Variants in GFI1 observed in about 807,000 individuals in gnomAD.
GFI1 encodes the protein zinc finger protein Gfi-1.
In GFI1, 15 loss-of-function variants were observed where a neutral mutation model predicts 39.2. That is an observed-to-expected ratio of 0.38 (90% CI 0.26 to 0.59). GFI1 has a LOEUF of 0.59. Ranked by LOEUF, GFI1 falls within the 20% of genes least tolerant of loss-of-function variation. GFI1 has a pLI of 0.62. For synonymous variants in GFI1, 239 were observed against 254.3 expected, an observed-to-expected ratio of 0.94 and a Z score of 0.57; for missense variants, 475 against 574.0, an observed-to-expected ratio of 0.83 and a Z score of 1.76.
intron 5 of GFI1, among the ~76,000 whole-genome samples, chr1:92,479,726 G>C (rs1287406667): frequency 6.6e-6 from 1 of 152,074 alleles, no homozygotes; most frequent in East Asian, 1.9e-4. Context: ...AGTGGCATGC[G>C]CCTGTAATCC....
rs1287328215 is a variant in GFI1, at chr1:92,475,711, G to A, written c.*318C>T. On this transcript the variant is annotated 3_prime_UTR_variant, in exon 7 of 7. Transcript: ENST00000294702. ...GTAGATTAGGGCTGGAAATGGGAAGGACTGTGGGGTCTAAGATTTATTCTG... is the reference window on the plus strand; with the variant it reads ...GTAGATTAGGGCTGGAAATGGGAAGAACTGTGGGGTCTAAGATTTATTCTG... 5.0e-6 allele frequency: 2 copies of A among 403,720 alleles called. No homozygotes were observed. The highest frequency in any genetic ancestry group is 9.4e-6 in the Non-Finnish European group (2 of 213,794). The allele number at this position is 403,720 out of a possible 1,614,324, so 25.0% of individuals were successfully genotyped here. A position where few individuals can be genotyped will look rare whatever the true frequency, so the allele number is the denominator to read the frequency against.
At position 92,480,493 on chromosome 1, in the gene GFI1, G is replaced by C. The variant is rs1184117148; in HGVS notation, c.787-8C>G. On this transcript the variant is annotated splice_polypyrimidine_tract_variant and splice_region_variant and intron_variant, in intron 4 of 6. Coordinates refer to ENST00000294702, the MANE Select transcript of GFI1 (RefSeq NM_005263.5). This position sits in a 1 kb window ranked among gnomAD's most constrained non-coding sequence, Gnocchi z 5.6. ...GTGCGGCGTGGAGAACACCTAAGGC[G>C]GGTGGGGCCAGAGAGAAGGCCGCTG... The C allele has an allele frequency of 6.5e-7, 1 of 1,549,604 alleles. No individual in the cohort carries two copies. Among genetic ancestry groups the C allele is most frequent in the Non-Finnish European group, 8.7e-7 (1 of 1,146,334 alleles).
chr1:92,483,349 G>C, intron 2 of GFI1, 24 bp downstream of exon 2: 1 of 1,353,666 alleles, frequency 7.4e-7, no homozygotes, highest in Non-Finnish European at 1.0e-6. Flanking sequence ...GAGCAGCCCC[G>C]CCTGGCCCGC....
chr1:92,478,634 C>T lies in GFI1; in HGVS notation c.1044G>A (p.Arg348=). The change falls in exon 6 of 7, where the codon AGG becomes AGA. Residue 348 remains arginine (R), a synonymous_variant. Coordinates refer to ENST00000294702, the MANE Select transcript of GFI1 (RefSeq NM_005263.5). ...RPYPCQYCGK[R]FHQKSDMKKH... is the part of the protein sequence containing the mutation. ...TCTTCATGTCTGACTTCTGGTGGAACCTCTTGCCACAGTACTGACAGGGGT... is the reference window on the plus strand; with the variant it reads ...TCTTCATGTCTGACTTCTGGTGGAATCTCTTGCCACAGTACTGACAGGGGT... 6.2e-7 allele frequency: 1 copy of T among 1,614,072 alleles called. No homozygotes were observed. Among genetic ancestry groups the T allele is most frequent in the Non-Finnish European group, 8.5e-7 (1 of 1,180,006 alleles).
Position 92,480,239 on chromosome 1 carries a change from G to A in GFI1, c.924+109C>T. On this transcript the variant is annotated intron_variant, in intron 5 of 6. Coordinates refer to ENST00000294702, the MANE Select transcript of GFI1 (RefSeq NM_005263.5). The surrounding 1 kb of genome is among the most constrained non-coding windows in gnomAD (Gnocchi z 5.6). ...AGCGGAGGGCTTGGGGGAGGAAACTGGGGGAAGTCGAGGAGAAAACTTCCA... is the reference window on the plus strand; with the variant it reads ...AGCGGAGGGCTTGGGGGAGGAAACTAGGGGAAGTCGAGGAGAAAACTTCCA... The A allele has an allele frequency of 2.4e-6, 3 of 1,235,678 alleles. No individual in the cohort carries two copies. Among genetic ancestry groups the A allele is most frequent in the South Asian group, 2.6e-5 (2 of 77,120 alleles). 76.5% of individuals were successfully genotyped at this position (1,235,678 alleles called of 1,614,324 possible).
chr1:92,478,739 G>A lies in GFI1; in HGVS notation c.939C>T (p.Asp313=). 1 of 1,590,854 alleles carries A rather than the reference G, an allele frequency of 6.3e-7. No individual in the cohort carries two copies. The highest frequency in any genetic ancestry group is 8.6e-7 in the Non-Finnish European group (1 of 1,165,676). ...KAVHSQERSF[D]CKICGKSFKR... Reference sequence around the variant, plus strand: ...TGAAGCTCTTCCCACAGATCTTACAGTCAAAGCTCCGTTCCTGCAGAGAGA... The same window carrying A: ...TGAAGCTCTTCCCACAGATCTTACAATCAAAGCTCCGTTCCTGCAGAGAGA... The change falls in exon 6 of 7, where the codon GAC becomes GAT. Residue 313 remains aspartate, a synonymous_variant. Coordinates refer to ENST00000294702, the MANE Select transcript of GFI1 (RefSeq NM_005263.5).
At chr1:92,477,388 G>C (rs1157414251) in intron 6 of GFI1, among the ~76,000 whole-genome samples, 1 of 152,160 alleles carries the variant, frequency 6.6e-6, no homozygotes, top group Non-Finnish European at 1.5e-5. Context: ...ATACTTTTCT[G>C]GGTTTTCAAT....
chr1:92,477,742 A>C (rs1268962109), intron 6 of GFI1, among the ~76,000 whole-genome samples: 7 of 152,236 alleles, frequency 4.6e-5, no homozygotes, highest in African/African-American at 1.7e-4. Context: ...AAATGAAATG[A>C]TAGATTTGAA....
intron 6 of GFI1, 107 bp from the exon 7 acceptor site, chr1:92,476,314 T>G: frequency 9.4e-7 from 1 of 1,059,602 alleles, no homozygotes; most frequent in Non-Finnish European, 1.4e-6. Context: ...CACCACAGTC[T>G]AAGGCCTTCA....
At position 92,480,807 on chromosome 1, in the gene GFI1, C is replaced by T; in HGVS notation, c.580G>A (p.Gly194Ser). The T allele has an allele frequency of 1.9e-6, 3 of 1,584,542 alleles. No individual in the cohort carries two copies. The highest frequency in any genetic ancestry group is 2.3e-5 in the South Asian group (2 of 87,358). ...TCGCCGTAGAGCCCTAGGCCAGGGC[C>T]AGCGGTGGCACCGGCCCCTGCGCTG... is the stretch of plus-strand genomic sequence containing the variant. ...SCSAGAGATA[G>S]PGLGLYGDFG... Residue 194 changes from glycine (G) to serine (S), a missense_variant, in exon 4 of 7, where the codon GGC (glycine) becomes AGC (serine). Physicochemically the swap from Gly to Ser is moderately conservative, Grantham distance 56. Transcript: ENST00000294702. The surrounding 1 kb of genome is among the most constrained non-coding windows in gnomAD (Gnocchi z 5.6).
At position 92,475,826 on chromosome 1, in the gene GFI1, T is replaced by A. The variant is rs939291843; in HGVS notation, c.*203A>T. ...GAGTCACTTGGTTCTCACTCTCGGC[T>A]GCACTTTGAAAAGGTACCTCATTTC... On this transcript the variant is annotated 3_prime_UTR_variant, in exon 7 of 7. Transcript: ENST00000294702. The A allele has an allele frequency of 1.5e-5, 9 of 610,072 alleles. No homozygotes were observed. Among genetic ancestry groups the A allele is most frequent in the African/African-American group, 1.5e-4 (8 of 54,676 alleles). 37.8% of individuals were successfully genotyped at this position (610,072 alleles called of 1,614,324 possible). A position where few individuals can be genotyped will look rare whatever the true frequency, so the allele number is the denominator to read the frequency against.
chr1:92,480,500 G>A lies in GFI1; in HGVS notation c.787-15C>T. 2 of 1,549,222 alleles carry A rather than the reference G, an allele frequency of 1.3e-6. No homozygotes were observed. The highest frequency in any genetic ancestry group is 1.7e-6 in the Non-Finnish European group (2 of 1,146,188). On this transcript the variant is annotated splice_polypyrimidine_tract_variant and intron_variant, in intron 4 of 6. Coordinates refer to ENST00000294702, the MANE Select transcript of GFI1 (RefSeq NM_005263.5). The surrounding 1 kb of genome is among the most constrained non-coding windows in gnomAD (Gnocchi z 5.6). The stretch of plus-strand genomic sequence containing the variant: ...GTGGAGAACACCTAAGGCGGGTGGG[G>A]CCAGAGAGAAGGCCGCTGAGAGGGG...
chr1:92,481,212 G>T lies in GFI1; in HGVS notation c.299-124C>A. On this transcript the variant is annotated intron_variant, in intron 3 of 6. Transcript: ENST00000294702. This position sits in a 1 kb window ranked among gnomAD's most constrained non-coding sequence, Gnocchi z 4.3. ...GCACCCAGCGCTTGTAGAACACTGCGTGCGCCAGGTGCCAGGCTCGCCCCA... is the reference window on the plus strand; with the variant it reads ...GCACCCAGCGCTTGTAGAACACTGCTTGCGCCAGGTGCCAGGCTCGCCCCA... 1.6e-5 allele frequency: 14 copies of T among 862,942 alleles called. 1 individual carries two copies. In the South Asian group the frequency reaches 1.9e-4, roughly 12 times the overall value. 53.5% of individuals were successfully genotyped at this position (862,942 alleles called of 1,614,324 possible).
rs1193730134 is a variant in GFI1, at chr1:92,475,990, T to C, written c.*39A>G. On this transcript the variant is annotated 3_prime_UTR_variant, in exon 7 of 7. Transcript: ENST00000294702. ...TGGCAAGCAGGGAGGCTGCCCTCTG[T>C]AGTGTTGTGTAGCTGCTGCTTGCAG... 7.5e-6 allele frequency: 12 copies of C among 1,591,032 alleles called. No homozygotes were observed. The highest frequency in any genetic ancestry group is 8.6e-6 in the Non-Finnish European group (10 of 1,161,424).
chr1:92,480,751 C>G lies in GFI1; in HGVS notation c.636G>C (p.Glu212Asp). Residue 212 changes from glutamate to aspartate, a missense_variant, in exon 4 of 7, where the codon GAG (glutamate) becomes GAC (aspartate). This residue lies in a region of GFI1 where 9 missense variants were observed against 26.9 expected (regional missense o/e 0.33). Coordinates refer to ENST00000294702, the MANE Select transcript of GFI1 (RefSeq NM_005263.5). This position sits in a 1 kb window ranked among gnomAD's most constrained non-coding sequence, Gnocchi z 5.6. ...DFGSAAAGLYERPTAAAGLLY... is the reference protein window; with the variant it reads ...DFGSAAAGLYDRPTAAAGLLY... ...GCAAGCCCGCCGCTGCCGTGGGCCT[C>G]TCATACAGCCCGGCTGCCGCAGACC... is the stretch of plus-strand genomic sequence containing the variant. 1 of 1,600,824 alleles carries G rather than the reference C, an allele frequency of 6.2e-7. No homozygotes were observed. Among genetic ancestry groups the G allele is most frequent in the Non-Finnish European group, 8.5e-7 (1 of 1,178,484 alleles).
intron 1 of GFI1, chr1:92,483,904 A>C (rs1187565307): frequency 1.8e-5 from 6 of 331,084 alleles, no homozygotes; most frequent in Middle Eastern, 1.1e-3. Flanking sequence ...CCGGCAATCA[A>C]ACTCCCTGGA....
In GFI1 at chr1:92,480,289, C is replaced by G; in HGVS notation, c.924+59G>C. On this transcript the variant is annotated intron_variant, in intron 5 of 6. Transcript: ENST00000294702. The surrounding 1 kb of genome is among the most constrained non-coding windows in gnomAD (Gnocchi z 5.6). ...AGGCAGAGAGTGGCTGGTGCTGCACCGAGGAGATGCAGAAGATCCCCGAGC... is the reference window on the plus strand; with the variant it reads ...AGGCAGAGAGTGGCTGGTGCTGCACGGAGGAGATGCAGAAGATCCCCGAGC... The G allele has an allele frequency of 1.3e-6, 2 of 1,522,850 alleles. No homozygotes were observed. The highest frequency in any genetic ancestry group is 1.2e-5 in the South Asian group (1 of 83,574). The allele number at this position is 1,522,850 out of a possible 1,614,324, so 94.3% of individuals were successfully genotyped here.
Position 92,473,725 on chromosome 1 carries a change from C to T in GFI1, c.*2304G>A, listed in dbSNP as rs1001023100. On this transcript the variant is annotated 3_prime_UTR_variant, in exon 7 of 7. Transcript: ENST00000294702. ...TTTCCCAGGCTGTCAAGCAATCTCT[C>T]TTCCCTTTGTGCTGTAGAGAGCAGA... Among the ~76,000 whole-genome samples, 5 of 152,178 alleles carry T rather than the reference C, an allele frequency of 3.3e-5. No homozygotes were observed. Among genetic ancestry groups the T allele is most frequent in the African/African-American group, 9.7e-5 (4 of 41,438 alleles).
chr1:92,476,042 T>C lies in GFI1; in HGVS notation c.1256A>G (p.His419Arg), dbSNP rs1366448398. Residue 419 changes from histidine to arginine, a missense_variant, in exon 7 of 7, where the codon CAT becomes CGT. His to Arg is a conservative substitution (Grantham distance 29). This residue lies in a region of GFI1 where 112 missense variants were observed against 202.8 expected (regional missense o/e 0.55). Transcript: ENST00000294702. ...VDLRRHRETQ[H>R]GLK is the part of the protein sequence containing the mutation. ...CAGCCAGGGTGCTCATTTGAGCCCA[T>C]GCTGCGTCTCCCGGTGCCTTCGGAG... The C allele has an allele frequency of 6.2e-7, 1 of 1,614,096 alleles. No individual in the cohort carries two copies. Among genetic ancestry groups the C allele is most frequent in the Admixed American group, 1.7e-5 (1 of 60,016 alleles).
Sources: allele counts gnomAD v4.1 joint callset (sites outside exome capture counted in the v4.1 genomes callset), GRCh38; gene constraint gnomAD v4.1.1; regional missense constraint gnomAD v4.1.1; non-coding constraint Gnocchi (gnomAD v3.1); transcripts MANE v1.5; gene names NCBI Gene and HGNC (gene_info 2026-07-23, HGNC 2026-07-21).